The following COL10A1 variants were observed in gnomAD, a reference collection of about 807,000 sequenced individuals.
The protein encoded by COL10A1 is collagen alpha-1(X) chain.
COL10A1 carries 10 observed loss-of-function variants against 18.2 expected under a neutral mutation model. The ratio of observed to expected loss-of-function variants is 0.55; its 90% CI spans 0.34 to 0.93. The LOEUF (loss-of-function observed/expected upper bound fraction) is 0.93, where lower values mean the gene tolerates loss of function less well. Among genes scored for constraint, COL10A1 ranks in the 40% least tolerant of loss-of-function variants. The pLI is 0.02. For missense variants in COL10A1, 897 were observed against 853.5 expected (o/e 1.05, Z -0.64); for synonymous variants, 330 against 316.6 (o/e 1.04, Z -0.45).
the COL10A1 span, among the ~76,000 whole-genome samples, chr6:116,189,443 T>A: frequency 6.6e-6 from 1 of 151,970 alleles, no homozygotes; most frequent in Non-Finnish European, 1.5e-5. Flanking sequence ...GGATACTTAT[T>A]CTTTATATAC....
Position 116,119,936 on chromosome 6 carries a change from G to A in COL10A1, c.*137C>T, listed in dbSNP as rs746478358. The A allele has an allele frequency of 5.3e-5, 44 of 837,594 alleles. No individual in the cohort carries two copies. Among genetic ancestry groups the A allele is most frequent in the Non-Finnish European group, 8.0e-5 (41 of 510,700 alleles). 51.9% of individuals were successfully genotyped at this position (837,594 alleles called of 1,614,324 possible). The stretch of plus-strand genomic sequence containing the variant: ...CACTTTTCAGGGGGAAGGTTTGTTG[G>A]TCTGATAGCTCAAATCTGTATTTCA... On this transcript the variant is annotated 3_prime_UTR_variant, in exon 3 of 3. Transcript: ENST00000651968.
chr6:116,204,928 T>G, the COL10A1 span, among the ~76,000 whole-genome samples: 2 of 151,982 alleles, frequency 1.3e-5, no homozygotes, highest in Non-Finnish European at 2.9e-5. Context: ...GAAAGCAAAT[T>G]GCACAAAATG....
chr6:116,193,775 AAAAAG>A, the COL10A1 span, among the ~76,000 whole-genome samples: 1 of 151,938 alleles, frequency 6.6e-6, no homozygotes, highest in Admixed American at 6.6e-5. Flanking sequence ...TTAAAAATAA[AAAAAG>A]AGGAGTTGGG....
the COL10A1 span, among the ~76,000 whole-genome samples, chr6:116,165,180 T>C: frequency 6.6e-6 from 1 of 152,154 alleles, no homozygotes; most frequent in Non-Finnish European, 1.5e-5. Flanking sequence ...TCTTCTGGCT[T>C]GTCAGTTTCT....
chr6:116,124,821 G>A (rs758371085), intron 2 of COL10A1, among the ~76,000 whole-genome samples: 11 of 152,100 alleles, frequency 7.2e-5, no homozygotes, highest in Non-Finnish European at 1.5e-4. Context: ...TGCCTGCTTG[G>A]CAATTCTCAT....
the COL10A1 span, among the ~76,000 whole-genome samples, chr6:116,208,932 TG>T: frequency 3.4e-4 from 52 of 152,110 alleles, no homozygotes; most frequent in African/African-American, 1.2e-3. Flanking sequence ...ACATCATGGC[TG>T]GGGATCCACT....
In COL10A1 at chr6:116,121,512, T is replaced by A; in HGVS notation, c.604A>T (p.Arg202Trp). 1 of 1,614,086 alleles carries A rather than the reference T, an allele frequency of 6.2e-7. No homozygotes were observed. The highest frequency in any genetic ancestry group is 8.5e-7 in the Non-Finnish European group (1 of 1,179,984). Residue 202 changes from arginine (R) to tryptophan (W), a missense_variant, in exon 3 of 3, where the codon AGG (arginine) becomes TGG (tryptophan). Transcript: ENST00000651968. ...GGACCCTGAGGGCCTGGAAGACCCC[T>A]CTCACCTGGACGACCAGGAGCACCA... ...GYGAPGRPGERGLPGPQGPTG... is the reference protein window; with the variant it reads ...GYGAPGRPGEWGLPGPQGPTG...
upstream of COL10A1, among the ~76,000 whole-genome samples, chr6:116,129,223 C>T (rs1416566292): frequency 1.3e-5 from 2 of 151,888 alleles, no homozygotes; most frequent in Admixed American, 6.6e-5. Context: ...CATGTATATA[C>T]ACAAACATAT....
chr6:116,184,910 C>T, the COL10A1 span, among the ~76,000 whole-genome samples: 1 of 151,536 alleles, frequency 6.6e-6, no homozygotes, highest in Admixed American at 6.6e-5. Flanking sequence ...TTCTTTTCTT[C>T]TGCTGGGTTT....
chr6:116,213,425 G>A, the COL10A1 span, among the ~76,000 whole-genome samples: 1 of 152,070 alleles, frequency 6.6e-6, no homozygotes, highest in Non-Finnish European at 1.5e-5. Flanking sequence ...CTTCCAACAG[G>A]TAAGGAGTCG....
chr6:116,141,998 T>A (rs1473220448), intron 1 of COL10A1, among the ~76,000 whole-genome samples: 1 of 151,908 alleles, frequency 6.6e-6, no homozygotes, highest in Non-Finnish European at 1.5e-5. Flanking sequence ...TTGACAAAGT[T>A]ACTTAGATGA....
At chr6:116,207,817 G>A in the COL10A1 span, among the ~76,000 whole-genome samples, 4 of 151,848 alleles carry the variant, frequency 2.6e-5, no homozygotes, top group Non-Finnish European at 5.9e-5. Context: ...ATAAAGAGCC[G>A]CCCCAGGCTT....
At chr6:116,171,165 G>A in the COL10A1 span, among the ~76,000 whole-genome samples, 1 of 151,868 alleles carries the variant, frequency 6.6e-6, no homozygotes, top group South Asian at 2.1e-4. Context: ...ATGAATATAT[G>A]TAAGGTTAAA....
the COL10A1 span, among the ~76,000 whole-genome samples, chr6:116,178,280 G>C: frequency 6.6e-6 from 1 of 152,140 alleles, no homozygotes; most frequent in South Asian, 2.1e-4. Flanking sequence ...GCCCGACCCT[G>C]CTTCGCTTCT....
In COL10A1 at chr6:116,121,934, G is replaced by A. The variant is rs1229890315; in HGVS notation, c.182C>T (p.Thr61Ile). 6.2e-7 allele frequency: 1 copy of A among 1,613,388 alleles called. No individual in the cohort carries two copies. The highest frequency in any genetic ancestry group is 1.7e-5 in the Admixed American group (1 of 60,010). The change falls in exon 3 of 3, where the codon ACT becomes ATT. Residue 61 changes from threonine to isoleucine, a missense_variant. Thr to Ile is a moderately conservative substitution (Grantham distance 89). Coordinates refer to ENST00000651968, the MANE Select transcript of COL10A1 (RefSeq NM_000493.4). ...TCCAGCAGGGCCTGGTGGACCAGGAGTACCTTGCTCTCCTCTTACTGCTAT... is the reference window on the plus strand; with the variant it reads ...TCCAGCAGGGCCTGGTGGACCAGGAATACCTTGCTCTCCTCTTACTGCTAT... ...KGIAVRGEQG[T>I]PGPPGPAGPR...
upstream of COL10A1, among the ~76,000 whole-genome samples, chr6:116,130,350 T>G (rs1238931838): frequency 6.6e-6 from 1 of 152,176 alleles, no homozygotes; most frequent in African/African-American, 2.4e-5. Flanking sequence ...TGGCACTTAT[T>G]AATCTTACTA....
At chr6:116,195,637 T>C in the COL10A1 span, among the ~76,000 whole-genome samples, 1 of 152,080 alleles carries the variant, frequency 6.6e-6, no homozygotes, top group Non-Finnish European at 1.5e-5. Context: ...GAAAGATGGC[T>C]GGCTATCAGA....
At chr6:116,163,141 A>AAAATATATAT (rs761718922), upstream of COL10A1, among the ~76,000 whole-genome samples, 83 of 88,384 alleles carry the variant, frequency 9.4e-4, 1 homozygote, top group African/African-American at 4.1e-3. Context: ...AAAAAAAAAA[A>AAAATATATAT]ATATATATAT....
intron 1 of COL10A1, among the ~76,000 whole-genome samples, chr6:116,146,522 G>C (rs185686629): frequency 4.1e-4 from 63 of 152,212 alleles, no homozygotes; most frequent in African/African-American, 1.5e-3. Context: ...TGGAACTTTC[G>C]CCTTAACAAA....
Sources: allele counts gnomAD v4.1 joint callset (sites outside exome capture counted in the v4.1 genomes callset), GRCh38; gene constraint gnomAD v4.1.1; transcripts MANE v1.5; gene names NCBI Gene and HGNC (gene_info 2026-07-23, HGNC 2026-07-21).